Variants in XIRP2 observed in about 807,000 individuals in gnomAD.
XIRP2 encodes xin actin-binding repeat-containing protein 2.
In XIRP2, 236 loss-of-function variants were observed where a neutral mutation model predicts 277.0. That is an observed-to-expected ratio of 0.85 (90% CI 0.77 to 0.95). XIRP2 has a LOEUF of 0.95. XIRP2 is among the 40% of genes least tolerant of loss of function. XIRP2 has a pLI of 0.00. For missense variants in XIRP2, 4,640 were observed against 4,157.5 expected (o/e 1.12, Z -3.19); for synonymous variants, 1,490 against 1,416.5 (o/e 1.05, Z -1.17).
intron 3 of XIRP2, among the ~76,000 whole-genome samples, chr2:167,173,672 G>C (rs1349396935): frequency 6.6e-6 from 1 of 152,016 alleles, no homozygotes; most frequent in Non-Finnish European, 1.5e-5. Context: ...TGGATAGTAT[G>C]GTAGCTCTAT....
At chr2:167,081,072 TA>T (rs1689715464) in intron 2 of XIRP2, among the ~76,000 whole-genome samples, 1 of 152,126 alleles carries the variant, frequency 6.6e-6, no homozygotes, top group East Asian at 1.9e-4. Flanking sequence ...GGGTAATATT[TA>T]AATTTCTAAA....
intron 2 of XIRP2, among the ~76,000 whole-genome samples, chr2:166,998,749 G>A (rs1370081591): frequency 6.6e-6 from 1 of 152,168 alleles, no homozygotes; most frequent in East Asian, 1.9e-4. Flanking sequence ...CCTTTGACTA[G>A]TGACTTTCCA....
intron 2 of XIRP2, among the ~76,000 whole-genome samples, chr2:166,912,163 A>AT (rs1193523039): frequency 2.0e-5 from 3 of 152,212 alleles, no homozygotes; most frequent in African/African-American, 4.8e-5. Context: ...CTGCCTTGCT[A>AT]GGTTGGGGAA....
intron 2 of XIRP2, among the ~76,000 whole-genome samples, chr2:167,072,585 C>A (rs529378632): frequency 6.6e-6 from 1 of 152,194 alleles, no homozygotes; most frequent in Admixed American, 6.5e-5. Flanking sequence ...ACGTCTATAT[C>A]CTCAACCCCA....
chr2:167,202,939 G>A (rs1262438915), intron 3 of XIRP2, among the ~76,000 whole-genome samples: 3 of 152,054 alleles, frequency 2.0e-5, no homozygotes, highest in African/African-American at 7.2e-5. Context: ...CTTGATTTGT[G>A]GACCTTATTC....
rs267598981 is a variant in XIRP2, at chr2:167,241,806, C to T, written c.1072C>T (p.Pro358Ser). 1 of 1,613,006 alleles carries T rather than the reference C, an allele frequency of 6.2e-7. No homozygotes were observed. The highest frequency in any genetic ancestry group is 8.5e-7 in the Non-Finnish European group (1 of 1,179,478). ...VIDTPEDEEI[P>S]KVSTKLLKEQ... is the part of the protein sequence containing the mutation. Reference sequence around the variant, plus strand: ...TGATACACCTGAGGATGAAGAGATTCCAAAGGTTTCGACTAAGTTGTTAAA... The same window carrying T: ...TGATACACCTGAGGATGAAGAGATTTCAAAGGTTTCGACTAAGTTGTTAAA... The change falls in exon 8 of 11, where the codon CCA becomes TCA. Residue 358 changes from proline (P) to serine (S), a missense_variant. Physicochemically the swap from Pro to Ser is moderately conservative, Grantham distance 74. Coordinates refer to ENST00000409195, the MANE Select transcript of XIRP2 (RefSeq NM_152381.6).
intron 2 of XIRP2, among the ~76,000 whole-genome samples, chr2:166,969,383 G>C (rs1034332356): frequency 2.0e-5 from 3 of 151,922 alleles, no homozygotes; most frequent in Non-Finnish European, 4.4e-5. Context: ...TGAAGTTCCA[G>C]ATTTCCATAT....
chr2:167,177,745 C>G (rs565965934), intron 3 of XIRP2, among the ~76,000 whole-genome samples: 1 of 152,178 alleles, frequency 6.6e-6, no homozygotes, highest in South Asian at 2.1e-4. Context: ...TCTCGTATAC[C>G]AGTGGTAGAA....
At chr2:166,987,765 G>A (rs952727499) in intron 2 of XIRP2, among the ~76,000 whole-genome samples, 3 of 152,124 alleles carry the variant, frequency 2.0e-5, no homozygotes, top group East Asian at 1.9e-4. Flanking sequence ...GGACTCAGGG[G>A]TCTACTTGAA....
intron 4 of XIRP2, 113 bp from the exon 5 acceptor site, chr2:167,218,053 T>C: frequency 1.1e-6 from 1 of 879,532 alleles, no homozygotes. Context: ...TGTATGTGAA[T>C]ATCTTTTTAA....
At chr2:167,021,247 C>A (rs1470172035) in intron 2 of XIRP2, among the ~76,000 whole-genome samples, 1 of 152,052 alleles carries the variant, frequency 6.6e-6, no homozygotes. Context: ...AATCGTCCCA[C>A]TGCAAAGATA....
chr2:167,151,302 G>T (rs1238614604), intron 3 of XIRP2, among the ~76,000 whole-genome samples: 3 of 152,036 alleles, frequency 2.0e-5, no homozygotes, highest in Non-Finnish European at 4.4e-5. Flanking sequence ...TAATTAATGG[G>T]CTGAATTCCT....
chr2:167,186,033 A>G (rs892747708), intron 3 of XIRP2, among the ~76,000 whole-genome samples: 35 of 152,330 alleles, frequency 2.3e-4, no homozygotes, highest in African/African-American at 7.5e-4. Flanking sequence ...AATGTTTTAT[A>G]TCTGCACTAA....
chr2:167,097,990 TC>T (rs1396758941), intron 2 of XIRP2, among the ~76,000 whole-genome samples: 1 of 152,208 alleles, frequency 6.6e-6, no homozygotes, highest in Admixed American at 6.5e-5. Flanking sequence ...ATTTTTTCCT[TC>T]ATTTCAACCT....
chr2:167,201,336 G>GGAAGGAAGGAAGGAAA, intron 3 of XIRP2, among the ~76,000 whole-genome samples: 1 of 149,080 alleles, frequency 6.7e-6, no homozygotes, highest in South Asian at 2.2e-4. Context: ...AAGGAAGGAA[G>GGAAGGAAGGAAGGAAA]GAAGGAAAGA....
intron 5 of XIRP2, among the ~76,000 whole-genome samples, chr2:167,236,390 G>A (rs933503333): frequency 2.6e-5 from 4 of 152,054 alleles, no homozygotes; most frequent in Admixed American, 6.6e-5. Context: ...TGCTTCCTGT[G>A]CAGGAGAAAT....
chr2:166,930,906 T>C (rs2105368212), intron 2 of XIRP2, among the ~76,000 whole-genome samples: 1 of 152,318 alleles, frequency 6.6e-6, no homozygotes, highest in African/African-American at 2.4e-5. Flanking sequence ...ATCAGTTGCC[T>C]ATGCTCTTGG....
At chr2:166,960,454 A>G (rs1686271832) in intron 2 of XIRP2, among the ~76,000 whole-genome samples, 1 of 151,658 alleles carries the variant, frequency 6.6e-6, no homozygotes. Flanking sequence ...TCCTTTTTGC[A>G]ACCCTCTGCT....
At chr2:167,061,253 A>G (rs778482023) in intron 2 of XIRP2, among the ~76,000 whole-genome samples, 8 of 152,178 alleles carry the variant, frequency 5.3e-5, no homozygotes, top group African/African-American at 1.9e-4. Flanking sequence ...TATTTTGTAG[A>G]TTACTTAAGA....
Sources: gnomAD v4.1 joint callset for allele counts (sites outside exome capture counted in the v4.1 genomes callset) on GRCh38, gnomAD v4.1.1 for gene constraint, MANE v1.5 for transcripts, NCBI Gene and HGNC (gene_info 2026-07-23, HGNC 2026-07-21) for gene names.